The following FOXP1 variants were observed in gnomAD, a reference collection of about 807,000 sequenced individuals.
FOXP1 encodes the protein forkhead box P1.
In FOXP1, 15 loss-of-function variants were observed where a neutral mutation model predicts 98.2. The observed-to-expected ratio is 0.15, with a 90% CI of 0.10 to 0.24. The LOEUF is 0.24. Ranked by LOEUF, FOXP1 falls within the 10% of genes least tolerant of loss-of-function variation. FOXP1 has a pLI of 1.00. For missense variants in FOXP1, 633 were observed against 848.5 expected (o/e 0.75, Z 3.15); for synonymous variants, 371 against 314.5 (o/e 1.18, Z -1.90).
In FOXP1 at chr3:71,525,667, T is replaced by A. The variant is rs1041731828; in HGVS notation, c.-297-32112A>T. ...GCCTTCCCTTATTTCATAATCTTGC[T>A]GAGGCCTTTATATTTATTTATTTTT... On this transcript the variant is annotated intron_variant, in intron 2 of 20. Transcript: ENST00000649528. 1.3e-5 allele frequency among the ~76,000 whole-genome samples: 2 copies of A among 152,318 alleles called. 1 individual carries two copies. The highest frequency in any genetic ancestry group is 6.8e-3 in the Middle Eastern group (2 of 294).
chr3:71,343,061 T>A (rs528249822), intron 4 of FOXP1, among the ~76,000 whole-genome samples: 1 of 152,332 alleles, frequency 6.6e-6, no homozygotes, highest in South Asian at 2.1e-4. Flanking sequence ...GCTAGTATAT[T>A]GCTTATAAAA....
chr3:71,007,986 T>C (rs371774755), intron 12 of FOXP1, among the ~76,000 whole-genome samples: 1 of 152,176 alleles, frequency 6.6e-6, no homozygotes, highest in East Asian at 1.9e-4. Flanking sequence ...TTTTGTTTTG[T>C]TCTGCATGAA....
At chr3:71,284,078 C>A (rs2071849143) in intron 5 of FOXP1, among the ~76,000 whole-genome samples, 1 of 152,034 alleles carries the variant, frequency 6.6e-6, no homozygotes, top group African/African-American at 2.4e-5. Context: ...TAAGATAAAC[C>A]TTTTTCTCCT....
At chr3:71,094,283 T>C (rs572776792) in intron 7 of FOXP1, among the ~76,000 whole-genome samples, 57 of 145,490 alleles carry the variant, frequency 3.9e-4, no homozygotes, top group East Asian at 2.1e-3. Context: ...CTTTTCTTTT[T>C]TTTTTTTTTT....
At chr3:71,068,326 G>A (rs2052801788) in intron 7 of FOXP1, among the ~76,000 whole-genome samples, 1 of 152,158 alleles carries the variant, frequency 6.6e-6, no homozygotes. Context: ...CCTTAGCTTT[G>A]AACACAGAAG....
intron 2 of FOXP1, among the ~76,000 whole-genome samples, chr3:71,552,012 T>C (rs1253513030): frequency 6.6e-6 from 1 of 152,172 alleles, no homozygotes; most frequent in Admixed American, 6.5e-5. Flanking sequence ...AGCATGCCAT[T>C]CATCCTTTAC....
intron 12 of FOXP1, among the ~76,000 whole-genome samples, chr3:71,004,948 T>G (rs772061096): frequency 6.6e-6 from 1 of 151,950 alleles, no homozygotes; most frequent in Non-Finnish European, 1.5e-5. Context: ...TGCAGCCCAG[T>G]GAAATGCTGT....
At chr3:71,173,580 G>C (rs184449752) in intron 6 of FOXP1, among the ~76,000 whole-genome samples, 3 of 152,278 alleles carry the variant, frequency 2.0e-5, no homozygotes, top group Admixed American at 6.5e-5. Flanking sequence ...ACACATTCCA[G>C]TTAGAAATTC....
At chr3:70,972,042 G>T in intron 18 of FOXP1, 1 of 1,479,640 alleles carries the variant, frequency 6.8e-7, no homozygotes. Flanking sequence ...TTTTCATCGG[G>T]GCAGTATTTG....
At chr3:71,033,612 A>C (rs868074165) in intron 11 of FOXP1, among the ~76,000 whole-genome samples, 7,148 of 149,644 alleles carry the variant, frequency 0.048, 567 homozygotes, top group African/African-American at 0.16. Context: ...CAAAAAAAAA[A>C]AAAAAAAAAA....
intron 11 of FOXP1, among the ~76,000 whole-genome samples, chr3:71,025,157 C>A (rs73838133): frequency 0.025 from 3,792 of 152,020 alleles, 159 homozygotes; most frequent in African/African-American, 0.084. Flanking sequence ...GCAGACAAGC[C>A]AAAAATGGAG....
At chr3:71,384,357 AGAAGCTAATTTCTAAC>A (rs2080410508) in intron 3 of FOXP1, among the ~76,000 whole-genome samples, 1 of 152,224 alleles carries the variant, frequency 6.6e-6, no homozygotes, top group South Asian at 2.1e-4. Flanking sequence ...AATTGTGGAA[AGAAGCTAATTTCTAAC>A]TCTGAGAGAA....
chr3:71,433,640 C>T (rs181422218), intron 3 of FOXP1, among the ~76,000 whole-genome samples: 10 of 152,246 alleles, frequency 6.6e-5, no homozygotes, highest in African/African-American at 1.9e-4. Context: ...AACAGGTTCA[C>T]GGGGGCTCTA....
chr3:71,030,052 G>C (rs2107890180), intron 11 of FOXP1, among the ~76,000 whole-genome samples: 1 of 152,306 alleles, frequency 6.6e-6, no homozygotes, highest in South Asian at 2.1e-4. Context: ...ACCCGATTCA[G>C]GGGTGGGAAA....
intron 4 of FOXP1, among the ~76,000 whole-genome samples, chr3:71,325,119 C>T (rs1427255023): frequency 1.4e-5 from 2 of 147,338 alleles, no homozygotes; most frequent in Non-Finnish European, 3.0e-5. Flanking sequence ...ATGGCTCCAT[C>T]TCAGCTCACT....
intron 4 of FOXP1, among the ~76,000 whole-genome samples, chr3:71,349,730 C>A (rs2077656909): frequency 6.6e-6 from 1 of 151,978 alleles, no homozygotes; most frequent in African/African-American, 2.4e-5. Context: ...TTTTGACAAC[C>A]AATGAGGTAT....
intron 6 of FOXP1, among the ~76,000 whole-genome samples, chr3:71,185,403 A>T (rs1415650648): frequency 6.6e-6 from 1 of 152,218 alleles, no homozygotes; most frequent in African/African-American, 2.4e-5. Flanking sequence ...ATGCCTTCGA[A>T]TTTGGCAACT....
intron 5 of FOXP1, among the ~76,000 whole-genome samples, chr3:71,220,736 G>A (rs1479502955): frequency 3.4e-5 from 5 of 145,362 alleles, no homozygotes; most frequent in Admixed American, 3.4e-4. Flanking sequence ...CTGGGTGACT[G>A]AGTGAGACCC....
At chr3:71,407,358 A>G (rs1323508467) in intron 3 of FOXP1, among the ~76,000 whole-genome samples, 2 of 152,158 alleles carry the variant, frequency 1.3e-5, no homozygotes, top group Non-Finnish European at 2.9e-5. Context: ...CTAATCCTTA[A>G]AAAGACTAAA....
Sources: allele counts gnomAD v4.1 joint callset (sites outside exome capture counted in the v4.1 genomes callset), GRCh38; gene constraint gnomAD v4.1.1; transcripts MANE v1.5; gene names NCBI Gene and HGNC (gene_info 2026-07-23, HGNC 2026-07-21).